CGRRF1: variants seen among roughly 807,000 people sequenced by gnomAD.
The protein encoded by CGRRF1 is cell growth regulator with ring finger domain 1.
Under a neutral mutation model 37.2 loss-of-function variants are expected in CGRRF1, and 32 were observed. The ratio of observed to expected loss-of-function variants is 0.86; its 90% CI spans 0.65 to 1.16. The LOEUF is 1.16. Among genes scored for constraint, CGRRF1 ranks in the 50% most tolerant of loss-of-function variants. CGRRF1 has a pLI of 0.00. For missense variants in CGRRF1, 391 were observed against 382.6 expected (o/e 1.02, Z -0.18); for synonymous variants, 141 against 140.3 (o/e 1.00, Z -0.04).
Position 54,530,957 on chromosome 14 carries a change from A to G in CGRRF1, c.477A>G (p.Lys159=), listed in dbSNP as rs1310949411. The change falls in exon 4 of 6, where the codon AAA becomes AAG. Residue 159 remains lysine, a synonymous_variant. Transcript: ENST00000216420. ...ATTGCCAGTTACCAAGAGATACTAA[A>G]ATTGAAGACTTTGGTACAGTACCCA... The part of the protein sequence containing the change: ...EIYCQLPRDT[K]IEDFGTVPRS... 13 of 1,603,296 alleles carry G rather than the reference A, an allele frequency of 8.1e-6. No homozygotes were observed. Among genetic ancestry groups the G allele is most frequent in the Non-Finnish European group, 1.1e-5 (13 of 1,170,212 alleles).
chr14:54,525,355 C>T (rs531527473), intron 2 of CGRRF1, among the ~76,000 whole-genome samples: 231 of 152,262 alleles, frequency 1.5e-3, no homozygotes, highest in African/African-American at 5.3e-3. Context: ...ACCAGCCTTG[C>T]GAATGTTTGA....
At position 54,538,111 on chromosome 14, in the gene CGRRF1, T is replaced by C. The variant is rs1273218715; in HGVS notation, c.727T>C (p.Ser243Pro). Residue 243 changes from serine to proline, a missense_variant, in exon 6 of 6, where the codon TCT becomes CCT. Physicochemically the swap from Ser to Pro is moderately conservative, Grantham distance 74. Coordinates refer to ENST00000216420, the MANE Select transcript of CGRRF1 (RefSeq NM_006568.3). Reference sequence around the variant, plus strand: ...TAATTTCACTCCCTCCAACAATTCCTCTTCAGAAGAAAAAAACACAGACAG... The same window carrying C: ...TAATTTCACTCCCTCCAACAATTCCCCTTCAGAAGAAAAAAACACAGACAG... ...NNNFTPSNNS[S>P]SEEKNTDRSL... 9 of 1,613,814 alleles carry C rather than the reference T, an allele frequency of 5.6e-6. No individual in the cohort carries two copies. Among genetic ancestry groups the C allele is most frequent in the Non-Finnish European group, 7.6e-6 (9 of 1,179,980 alleles).
chr14:54,531,029 T>C lies in CGRRF1; in HGVS notation c.549T>C (p.Asp183=). The stretch of plus-strand genomic sequence containing the variant: ...CGCTATTGACCTTAGCTGATGAGGA[T>C]GACCGGGAAATTTATGATATTGTAA... ...LVALLTLADE[D]DREIYDIISM... The change falls in exon 4 of 6, where the codon GAT becomes GAC. Residue 183 remains aspartate, a synonymous_variant. Coordinates refer to ENST00000216420, the MANE Select transcript of CGRRF1 (RefSeq NM_006568.3). 6.2e-7 allele frequency: 1 copy of C among 1,610,344 alleles called. No individual in the cohort carries two copies. The highest frequency in any genetic ancestry group is 8.5e-7 in the Non-Finnish European group (1 of 1,178,634).
At chr14:54,525,161 C>T (rs919206494) in intron 2 of CGRRF1, among the ~76,000 whole-genome samples, 1 of 152,214 alleles carries the variant, frequency 6.6e-6, no homozygotes, top group African/African-American at 2.4e-5. Context: ...TGAGCAGGAC[C>T]CGCAATGAAA....
intron 2 of CGRRF1, among the ~76,000 whole-genome samples, chr14:54,529,828 G>A (rs2032477289): frequency 6.6e-6 from 1 of 152,110 alleles, no homozygotes; most frequent in Non-Finnish European, 1.5e-5. Flanking sequence ...GTAAGAAATA[G>A]TTTTTTGATA....
chr14:54,529,773 G>A (rs778379908), intron 2 of CGRRF1, among the ~76,000 whole-genome samples: 9 of 151,938 alleles, frequency 5.9e-5, no homozygotes, highest in East Asian at 1.9e-4. Flanking sequence ...TCTTAGAGTC[G>A]CCAAAAAAGA....
At chr14:54,510,140 G>A in intron 1 of CGRRF1, 77 bp downstream of exon 1, 1 of 1,097,582 alleles carries the variant, frequency 9.1e-7, no homozygotes, top group Non-Finnish European at 1.4e-6. Context: ...GGGGGCACCG[G>A]AGCCGGAGGG....
chr14:54,523,539 C>G (rs979362472), intron 2 of CGRRF1, among the ~76,000 whole-genome samples: 2 of 149,634 alleles, frequency 1.3e-5, no homozygotes, highest in Non-Finnish European at 3.0e-5. Context: ...TTATTCCTTC[C>G]TCCTTTTTTT....
intron 2 of CGRRF1, among the ~76,000 whole-genome samples, chr14:54,523,866 G>T (rs1243846034): frequency 1.3e-5 from 2 of 151,812 alleles, no homozygotes; most frequent in Non-Finnish European, 2.9e-5. Flanking sequence ...CTTTTTTTCT[G>T]GGCCGAGACC....
At position 54,537,853 on chromosome 14, in the gene CGRRF1, T is replaced by C. The variant is rs372258888; in HGVS notation, c.678+24T>C. 729 of 1,578,674 alleles carry C rather than the reference T, an allele frequency of 4.6e-4. 1 individual carries two copies. The highest frequency in any genetic ancestry group is 3.6e-3 in the South Asian group (298 of 83,168). The stretch of plus-strand genomic sequence containing the variant: ...AGGTAAGCCGTACTCTGTAGTCTTA[T>C]CTCTGTCTCTTTTGTTTACAGAGTT... On this transcript the variant is annotated intron_variant, in intron 5 of 5. Transcript: ENST00000216420.
intron 1 of CGRRF1, among the ~76,000 whole-genome samples, chr14:54,514,956 G>A (rs1305750007): frequency 6.6e-6 from 1 of 151,914 alleles, no homozygotes; most frequent in African/African-American, 2.4e-5. Flanking sequence ...ATTGTGGTTA[G>A]CATACTTTTT....
intron 1 of CGRRF1, among the ~76,000 whole-genome samples, chr14:54,515,750 A>G (rs148905165): frequency 5.9e-5 from 9 of 152,300 alleles, no homozygotes; most frequent in African/African-American, 2.2e-4. Context: ...TCTTTTGATT[A>G]GTGTTAGCAT....
At chr14:54,531,311 T>C (rs999698950) in intron 4 of CGRRF1, among the ~76,000 whole-genome samples, 3 of 152,138 alleles carry the variant, frequency 2.0e-5, no homozygotes, top group African/African-American at 7.2e-5. Flanking sequence ...GTTTCATCAT[T>C]AACACCTATT....
intron 4 of CGRRF1, among the ~76,000 whole-genome samples, chr14:54,535,033 T>C (rs1309995752): frequency 6.6e-6 from 1 of 152,204 alleles, no homozygotes; most frequent in Non-Finnish European, 1.5e-5. Context: ...CATATGTTTA[T>C]ACATACACAT....
Position 54,522,458 on chromosome 14 carries a change from G to T in CGRRF1, c.109G>T (p.Gly37Cys). 1.9e-6 allele frequency: 3 copies of T among 1,559,552 alleles called. No individual in the cohort carries two copies. Among genetic ancestry groups the T allele is most frequent in the South Asian group, 1.2e-5 (1 of 81,246 alleles). The part of the protein sequence containing the change: ...VTTGLVLGWF[G>C]WDVPVILRNS... ...TTATTTTTTACCTTTTTTTAGGTTT[G>T]GTTGGGATGTTCCAGTAATTCTGAG... Residue 37 changes from glycine to cysteine, a missense_variant, in exon 2 of 6, where the codon GGT (glycine) becomes TGT (cysteine). Transcript: ENST00000216420.
chr14:54,512,110 G>A (rs962069689), intron 1 of CGRRF1, among the ~76,000 whole-genome samples: 8 of 152,106 alleles, frequency 5.3e-5, no homozygotes, highest in African/African-American at 1.4e-4. Context: ...TAGTTAATAC[G>A]CATGTTTTTC....
At chr14:54,537,636 T>C in intron 4 of CGRRF1, 86 bp from the exon 5 acceptor site, 2 of 1,306,118 alleles carry the variant, frequency 1.5e-6, no homozygotes, top group Non-Finnish European at 2.0e-6. Context: ...AGACAGTGTC[T>C]AGAAGCAGTT....
chr14:54,533,428 G>A (rs925287964), intron 4 of CGRRF1, among the ~76,000 whole-genome samples: 1 of 151,916 alleles, frequency 6.6e-6, no homozygotes, highest in East Asian at 1.9e-4. Flanking sequence ...TCATCTGTGG[G>A]CTCCCTCCTT....
chr14:54,522,188 T>C (rs917380968), intron 1 of CGRRF1, among the ~76,000 whole-genome samples: 10 of 152,228 alleles, frequency 6.6e-5, no homozygotes, highest in Non-Finnish European at 1.3e-4. Context: ...TTATACTGTA[T>C]TGGTTTTGAA....
Sources: allele counts gnomAD v4.1 joint callset (sites outside exome capture counted in the v4.1 genomes callset), GRCh38; gene constraint gnomAD v4.1.1; transcripts MANE v1.5; gene names NCBI Gene and HGNC (gene_info 2026-07-23, HGNC 2026-07-21).